Variants in PTPRG observed in about 807,000 individuals in gnomAD.
PTPRG encodes the protein receptor-type tyrosine-protein phosphatase gamma.
A neutral mutation model predicts 165.3 loss-of-function variants in PTPRG; 102 were observed. The ratio of observed to expected loss-of-function variants is 0.62; its 90% CI spans 0.53 to 0.73. The LOEUF (loss-of-function observed/expected upper bound fraction) is 0.73, where lower values mean the gene tolerates loss of function less well. Ranked by LOEUF, PTPRG falls within the 30% of genes least tolerant of loss-of-function variation. PTPRG has a pLI of 0.00. For missense variants in PTPRG, 1,866 were observed against 1,861.4 expected (o/e 1.00, Z -0.05); for synonymous variants, 675 against 669.5 (o/e 1.01, Z -0.13).
chr3:61,954,169 C>T (rs2039968246), intron 2 of PTPRG, among the ~76,000 whole-genome samples: 1 of 152,164 alleles, frequency 6.6e-6, no homozygotes, highest in African/African-American at 2.4e-5. Flanking sequence ...GCCCAACTTC[C>T]CGCCTCCACC....
chr3:62,209,879 A>G (rs1237742880), intron 12 of PTPRG, among the ~76,000 whole-genome samples: 1 of 152,210 alleles, frequency 6.6e-6, no homozygotes, highest in Non-Finnish European at 1.5e-5. Flanking sequence ...GGTTGGAGTC[A>G]AGAATTCAGG....
Position 61,894,841 on chromosome 3 carries a change from AT to A in PTPRG, c.191-94773del, listed in dbSNP as rs574879315. Among the ~76,000 whole-genome samples the A allele has an allele frequency of 9.6e-3, 1,422 of 147,518 alleles. 19 individuals are homozygous for A. The highest frequency in any genetic ancestry group is 0.032 in the African/African-American group (1,276 of 40,400). Reference sequence around the variant, plus strand: ...GCTCTAAGTTATTAATCTTGCTTTTATTTTTTTTTTTAATTGTATGTTAGCG... The same window carrying A: ...GCTCTAAGTTATTAATCTTGCTTTTATTTTTTTTTTAATTGTATGTTAGCG... On this transcript the variant is annotated intron_variant, in intron 2 of 29. Coordinates refer to ENST00000474889, the MANE Select transcript of PTPRG (RefSeq NM_002841.4).
intron 1 of PTPRG, among the ~76,000 whole-genome samples, chr3:61,676,330 A>G (rs1703215524): frequency 6.6e-6 from 1 of 151,416 alleles, no homozygotes; most frequent in Non-Finnish European, 1.5e-5. Context: ...GGTGGCGGGC[A>G]CGTGAAATCC....
intron 2 of PTPRG, among the ~76,000 whole-genome samples, chr3:61,981,369 C>T (rs1388363877): frequency 2.0e-5 from 3 of 152,222 alleles, no homozygotes; most frequent in South Asian, 2.1e-4. Context: ...CGCTAACTGG[C>T]GTAGGCCTGG....
chr3:61,725,481 A>G lies in PTPRG; in HGVS notation c.86-23397A>G, dbSNP rs554212320. Among the ~76,000 whole-genome samples, 174 of 152,104 alleles carry G rather than the reference A, an allele frequency of 1.1e-3. 1 individual carries two copies. The highest frequency in any genetic ancestry group is 3.4e-3 in the African/African-American group (143 of 41,522). On this transcript the variant is annotated intron_variant, in intron 1 of 29. Coordinates refer to ENST00000474889, the MANE Select transcript of PTPRG (RefSeq NM_002841.4). ...GAAAAGACTATCCTTCCTCCATTGA[A>G]CTGCCTTTGCACCTTTGTCAAAAAT...
chr3:62,084,620 A>G (rs1176860938), intron 5 of PTPRG, among the ~76,000 whole-genome samples: 1 of 152,214 alleles, frequency 6.6e-6, no homozygotes, highest in Non-Finnish European at 1.5e-5. Context: ...GGGATTATTT[A>G]TAGACATTGA....
intron 2 of PTPRG, among the ~76,000 whole-genome samples, chr3:61,752,463 A>G (rs907391364): frequency 6.6e-6 from 1 of 152,102 alleles, no homozygotes; most frequent in African/African-American, 2.4e-5. Flanking sequence ...GTAATGGTGA[A>G]AAGCCTAGAA....
At chr3:61,671,019 T>C (rs1341488000) in intron 1 of PTPRG, among the ~76,000 whole-genome samples, 1 of 151,890 alleles carries the variant, frequency 6.6e-6, no homozygotes, top group Non-Finnish European at 1.5e-5. Flanking sequence ...AACATGGTAG[T>C]GCCCATTTCC....
chr3:61,966,271 C>G (rs1575831278), intron 2 of PTPRG, among the ~76,000 whole-genome samples: 1 of 152,248 alleles, frequency 6.6e-6, no homozygotes, highest in Admixed American at 6.5e-5. Flanking sequence ...AAGTTAATTA[C>G]TTGTGTGCAC....
At chr3:61,984,317 G>A (rs1029558745) in intron 2 of PTPRG, among the ~76,000 whole-genome samples, 18 of 152,046 alleles carry the variant, frequency 1.2e-4, no homozygotes, top group Admixed American at 4.6e-4. Flanking sequence ...TTTATATAAG[G>A]TTTTTATATA....
At chr3:61,899,200 T>C (rs2038437119) in intron 2 of PTPRG, among the ~76,000 whole-genome samples, 2 of 152,194 alleles carry the variant, frequency 1.3e-5, no homozygotes, top group Admixed American at 1.3e-4. Context: ...ACAACTTACC[T>C]ACTCTGCCTA....
intron 1 of PTPRG, among the ~76,000 whole-genome samples, chr3:61,716,272 A>G (rs2031803979): frequency 6.6e-6 from 1 of 152,022 alleles, no homozygotes. Flanking sequence ...AATTTAATGT[A>G]TTTTTTTCAT....
chr3:62,011,356 T>G (rs1445696012), intron 4 of PTPRG, among the ~76,000 whole-genome samples: 1 of 152,212 alleles, frequency 6.6e-6, no homozygotes, highest in Non-Finnish European at 1.5e-5. Context: ...GAAAGCTGGT[T>G]AACTCCTTTC....
At chr3:61,764,931 T>C (rs1445749327) in intron 2 of PTPRG, among the ~76,000 whole-genome samples, 2 of 152,222 alleles carry the variant, frequency 1.3e-5, no homozygotes, top group African/African-American at 2.4e-5. Flanking sequence ...AGGAACAAGA[T>C]GCTGTTGAAC....
At chr3:62,266,319 G>A (rs1449633006) in intron 17 of PTPRG, among the ~76,000 whole-genome samples, 3 of 152,060 alleles carry the variant, frequency 2.0e-5, no homozygotes, top group East Asian at 3.9e-4. Flanking sequence ...GAAACATGAT[G>A]TATGAAAAAC....
chr3:62,275,764 A>C (rs1702210395), intron 23 of PTPRG, 109 bp from the exon 24 acceptor site: 3 of 770,000 alleles, frequency 3.9e-6, no homozygotes, highest in Non-Finnish European at 6.2e-6. Context: ...TTTGTGGCAC[A>C]GAAATGGTCT....
At position 62,229,824 on chromosome 3, in the gene PTPRG, T is replaced by A. The variant is rs780092768; in HGVS notation, c.2289-1401T>A. ...TTTACGGGTGGTAGTTTTAAGCGCC[T>A]GTGATTGTGTGTGAGGAAAAACTGC... On this transcript the variant is annotated intron_variant, in intron 13 of 29. Transcript: ENST00000474889. This position sits in a 1 kb window ranked among gnomAD's most constrained non-coding sequence, Gnocchi z 4.6. Among the ~76,000 whole-genome samples, 18 of 152,210 alleles carry A rather than the reference T, an allele frequency of 1.2e-4. No individual in the cohort carries two copies. The highest frequency in any genetic ancestry group is 2.5e-4 in the Non-Finnish European group (17 of 68,040).
intron 2 of PTPRG, among the ~76,000 whole-genome samples, chr3:61,861,172 T>C (rs2107403339): frequency 6.6e-6 from 1 of 152,340 alleles, no homozygotes; most frequent in East Asian, 1.9e-4. Context: ...AAATATAGAA[T>C]GTTACTTTAA....
At chr3:61,609,733 C>T (rs746063266) in intron 1 of PTPRG, among the ~76,000 whole-genome samples, 3 of 151,954 alleles carry the variant, frequency 2.0e-5, no homozygotes, top group Non-Finnish European at 4.4e-5. Context: ...GTGGCGTGCA[C>T]CTGTAGTCCT....
Sources: allele counts gnomAD v4.1 joint callset (sites outside exome capture counted in the v4.1 genomes callset), GRCh38; gene constraint gnomAD v4.1.1; non-coding constraint Gnocchi (gnomAD v3.1); transcripts MANE v1.5; gene names NCBI Gene and HGNC (gene_info 2026-07-23, HGNC 2026-07-21).